Variants in HHAT observed in about 807,000 individuals in gnomAD.
HHAT encodes the protein hedgehog acyltransferase, also known as protein-cysteine N-palmitoyltransferase HHAT.
A neutral mutation model predicts 70.8 loss-of-function variants in HHAT; 47 were observed. The observed-to-expected ratio is 0.66, with a 90% CI of 0.53 to 0.85. The LOEUF is 0.85. Ranked by LOEUF, HHAT falls within the 40% of genes least tolerant of loss-of-function variation. HHAT has a pLI of 0.00. For missense variants in HHAT, 609 were observed against 604.8 expected, an observed-to-expected ratio of 1.01 and a Z score of -0.07; for synonymous variants, 228 against 247.6, an observed-to-expected ratio of 0.92 and a Z score of 0.74.
chr1:210,430,125 T>C lies in HHAT; in HGVS notation c.856+11800T>C, dbSNP rs60323561. Among the ~76,000 whole-genome samples, 877 of 152,074 alleles carry C rather than the reference T, an allele frequency of 5.8e-3. 25 individuals are homozygous for C. The highest frequency in any genetic ancestry group is 0.02 in the African/African-American group (831 of 41,318). On this transcript the variant is annotated intron_variant, in intron 7 of 11. Coordinates refer to ENST00000261458, the MANE Select transcript of HHAT (RefSeq NM_018194.6). Reference sequence around the variant, plus strand: ...AATAATTTTATATTTTACAATTCAATGTAGTAATTTTCCTTTTGGATGCTA... The same window carrying C: ...AATAATTTTATATTTTACAATTCAACGTAGTAATTTTCCTTTTGGATGCTA...
At chr1:210,611,980 A>G (rs1321211773) in intron 10 of HHAT, among the ~76,000 whole-genome samples, 6 of 151,878 alleles carry the variant, frequency 4.0e-5, no homozygotes, top group Admixed American at 1.3e-4. Context: ...TTTTTGTTGT[A>G]TCTCTGCCAT....
intron 2 of HHAT, among the ~76,000 whole-genome samples, chr1:210,351,657 G>T (rs1204577651): frequency 6.6e-6 from 1 of 152,168 alleles, no homozygotes; most frequent in Non-Finnish European, 1.5e-5. Context: ...ACTCATCCAG[G>T]GTGGCTCACT....
chr1:210,455,510 C>T (rs1018085395), intron 7 of HHAT, among the ~76,000 whole-genome samples: 4 of 152,134 alleles, frequency 2.6e-5, no homozygotes, highest in Admixed American at 2.6e-4. Context: ...GTCAGCTTCA[C>T]ACAGGCTCTG....
At chr1:210,542,157 G>GT (rs1187190317) in intron 9 of HHAT, among the ~76,000 whole-genome samples, 1 of 152,182 alleles carries the variant, frequency 6.6e-6, no homozygotes, top group African/African-American at 2.4e-5. Flanking sequence ...GAGACAGGAA[G>GT]TTGTCACTAT....
chr1:210,633,162 G>A (rs866219933), intron 11 of HHAT, among the ~76,000 whole-genome samples: 2 of 152,346 alleles, frequency 1.3e-5, no homozygotes, highest in African/African-American at 4.8e-5. Context: ...GGAGTATGAA[G>A]TTGGGGTAGG....
At chr1:210,499,495 T>C (rs1456094016) in intron 8 of HHAT, among the ~76,000 whole-genome samples, 1 of 152,130 alleles carries the variant, frequency 6.6e-6, no homozygotes, top group Non-Finnish European at 1.5e-5. Context: ...AAAAATTAGC[T>C]GGGCATGGTG....
chr1:210,327,695 G>A (rs568361400), upstream of HHAT, among the ~76,000 whole-genome samples: 4 of 152,022 alleles, frequency 2.6e-5, no homozygotes, highest in South Asian at 8.3e-4. Flanking sequence ...TAGTAGAGAC[G>A]GGGTCTCACC....
intron 9 of HHAT, among the ~76,000 whole-genome samples, chr1:210,538,429 T>A (rs1028446047): frequency 1.3e-5 from 2 of 152,102 alleles, no homozygotes; most frequent in African/African-American, 2.4e-5. Flanking sequence ...TTTAGTCTCA[T>A]GTGGCATATA....
chr1:210,654,972 T>C (rs1227310976), intron 11 of HHAT, among the ~76,000 whole-genome samples: 1 of 152,178 alleles, frequency 6.6e-6, no homozygotes, highest in Non-Finnish European at 1.5e-5. Context: ...ACCCCATCAC[T>C]TTAGAGGAAT....
Position 210,510,480 on chromosome 1 carries a change from C to G in HHAT, c.1008-2673C>G, listed in dbSNP as rs75170220. Among the ~76,000 whole-genome samples the G allele has an allele frequency of 5.3e-5, 8 of 152,222 alleles. No homozygotes were observed. In the East Asian group the frequency reaches 1.5e-3, roughly 29 times the overall value. On this transcript the variant is annotated intron_variant, in intron 8 of 11. Transcript: ENST00000261458. ...GCTGAGACGGAGGAGGTGGGCGGCA[C>G]CTGGGGAGAAGCAGGTGGGCTTCCC...
chr1:210,349,174 G>A (rs2086793091), intron 2 of HHAT, 108 bp downstream of exon 2: 2 of 1,185,370 alleles, frequency 1.7e-6, no homozygotes, highest in Admixed American at 2.5e-5. Flanking sequence ...TCAAGATGAT[G>A]TGGGCCTTGA....
chr1:210,572,481 C>A (rs1366190854), intron 9 of HHAT, among the ~76,000 whole-genome samples: 1 of 152,158 alleles, frequency 6.6e-6, no homozygotes, highest in African/African-American at 2.4e-5. Flanking sequence ...CCTGTGGCCA[C>A]CTTAGATGAC....
At chr1:210,403,673 T>C (rs2092188933) in intron 5 of HHAT, among the ~76,000 whole-genome samples, 2 of 152,262 alleles carry the variant, frequency 1.3e-5, no homozygotes, top group African/African-American at 2.4e-5. Flanking sequence ...ACCCAAGTTC[T>C]ATTTCTCGTA....
intron 9 of HHAT, among the ~76,000 whole-genome samples, chr1:210,516,660 C>T (rs1335844196): frequency 6.6e-6 from 1 of 152,122 alleles, no homozygotes; most frequent in Non-Finnish European, 1.5e-5. Context: ...TCAAGATTAA[C>T]TACATTTATT....
chr1:210,629,935 G>C (rs1051872799), intron 11 of HHAT, among the ~76,000 whole-genome samples: 4 of 151,010 alleles, frequency 2.6e-5, no homozygotes, highest in African/African-American at 9.8e-5. Flanking sequence ...CTCCGCCTCC[G>C]GGGTTCAAGG....
intron 8 of HHAT, among the ~76,000 whole-genome samples, chr1:210,477,775 G>C (rs2094327402): frequency 6.6e-6 from 1 of 152,170 alleles, no homozygotes; most frequent in South Asian, 2.1e-4. Flanking sequence ...AAGGTTGCTT[G>C]CTGCATTATT....
At chr1:210,571,972 C>T (rs575901328) in intron 9 of HHAT, among the ~76,000 whole-genome samples, 3 of 152,302 alleles carry the variant, frequency 2.0e-5, no homozygotes, top group Admixed American at 2.0e-4. Flanking sequence ...TTCAAATAAG[C>T]ATCATCATTC....
intron 8 of HHAT, among the ~76,000 whole-genome samples, chr1:210,505,015 C>G (rs998898898): frequency 1.3e-5 from 2 of 151,100 alleles, no homozygotes; most frequent in Non-Finnish European, 2.9e-5. Flanking sequence ...TGTCCTGCCT[C>G]AGTCTCCCAA....
intron 8 of HHAT, among the ~76,000 whole-genome samples, chr1:210,503,179 C>T (rs996105289): frequency 1.1e-4 from 17 of 152,254 alleles, no homozygotes; most frequent in African/African-American, 2.6e-4. Context: ...AGGCTGGTCT[C>T]GAACTCCTGG....
Sources: gnomAD v4.1 joint callset for allele counts (sites outside exome capture counted in the v4.1 genomes callset) on GRCh38, gnomAD v4.1.1 for gene constraint, MANE v1.5 for transcripts, NCBI Gene and HGNC (gene_info 2026-07-23, HGNC 2026-07-21) for gene names.